The following OR4K1 variants were observed in gnomAD, a reference collection of about 807,000 sequenced individuals.
OR4K1 encodes olfactory receptor family 4 subfamily K member 1.
Under a neutral mutation model 14.4 loss-of-function variants are expected in OR4K1, and 16 were observed. The ratio of observed to expected loss-of-function variants is 1.11; its 90% CI spans 0.75 to 1.68. OR4K1 has a LOEUF of 1.68. Among genes scored for constraint, OR4K1 ranks in the 40% most tolerant of loss-of-function variants. The pLI is 0.00. For missense variants in OR4K1, 548 were observed against 376.9 expected (o/e 1.45, Z -3.76); for synonymous variants, 181 against 133.1 (o/e 1.36, Z -2.48).
At position 19,936,115 on chromosome 14, in the gene OR4K1, C is replaced by A. The variant is rs368279248; in HGVS notation, c.449C>A (p.Ala150Glu). The A allele has an allele frequency of 6.8e-6, 11 of 1,614,170 alleles. No individual in the cohort carries two copies. The highest frequency in any genetic ancestry group is 9.3e-6 in the Non-Finnish European group (11 of 1,180,008). Residue 150 changes from alanine (A) to glutamate (E), a missense_variant, in exon 2 of 2, where the codon GCG becomes GAG. Coordinates refer to ENST00000641172, the MANE Select transcript of OR4K1 (RefSeq NM_001004063.3). ...GTAATTTTTGTGTCTATTTCCTGGG[C>A]GGTGGGCGTTCTTCATTCTGTGAGC... is the stretch of plus-strand genomic sequence containing the variant. ...LCVIFVSISW[A>E]VGVLHSVSHL...
rs2792146 is a variant in OR4K1, at chr14:19,936,577, G to C, written c.911G>C (p.Arg304Pro). ...VKAAMWKLRN[R>P]HVNSWKN The stretch of plus-strand genomic sequence containing the variant: ...GCAGCCATGTGGAAGCTGAGAAACC[G>C]TCATGTGAACTCCTGGAAAAACTAG... Residue 304 changes from arginine to proline, a missense_variant, in exon 2 of 2, where the codon CGT becomes CCT. Transcript: ENST00000641172. 5 of 1,598,830 alleles carry C rather than the reference G, an allele frequency of 3.1e-6. No homozygotes were observed. In the East Asian group the frequency reaches 1.1e-4, roughly 36 times the overall value.
upstream of OR4K1, among the ~76,000 whole-genome samples, chr14:19,926,361 C>A (rs992997405): frequency 5.3e-5 from 8 of 152,204 alleles, no homozygotes; most frequent in African/African-American, 1.7e-4. Context: ...CCTGAGGGAA[C>A]TTAATGGTCA....
chr14:19,925,355 A>T, the OR4K1 span, among the ~76,000 whole-genome samples: 1 of 152,194 alleles, frequency 6.6e-6, no homozygotes, highest in Non-Finnish European at 1.5e-5. Context: ...CTCTCAGAAT[A>T]AAGAAAAGAA....
upstream of OR4K1, among the ~76,000 whole-genome samples, chr14:19,929,144 C>T (rs1033377997): frequency 1.3e-5 from 2 of 151,162 alleles, no homozygotes; most frequent in Non-Finnish European, 3.0e-5. Flanking sequence ...ATTTATTTTG[C>T]TTTTATAACT....
In OR4K1 at chr14:19,936,515, C is replaced by A. The variant is rs757787366; in HGVS notation, c.849C>A (p.Asn283Lys). 5.6e-6 allele frequency: 9 copies of A among 1,613,760 alleles called. No homozygotes were observed. In the South Asian group the frequency reaches 9.9e-5, roughly 18 times the overall value. ...VFYTVCTPLL[N>K]PIIYSLRNED... ...ACACTGTTTGTACTCCCTTGTTGAA[C>A]CCCATCATCTACTCTCTGAGGAATG... The change falls in exon 2 of 2, where the codon AAC becomes AAA. Residue 283 changes from asparagine (N) to lysine (K), a missense_variant. Asn to Lys is a moderately conservative substitution (Grantham distance 94). Coordinates refer to ENST00000641172, the MANE Select transcript of OR4K1 (RefSeq NM_001004063.3).
chr14:19,923,130 T>C, the OR4K1 span, among the ~76,000 whole-genome samples: 1 of 152,256 alleles, frequency 6.6e-6, no homozygotes, highest in African/African-American at 2.4e-5. Flanking sequence ...TATTTGTAAA[T>C]ATGTAGAAAT....
upstream of OR4K1, among the ~76,000 whole-genome samples, chr14:19,929,251 A>G (rs1882129948): frequency 1.3e-5 from 2 of 149,032 alleles, no homozygotes; most frequent in South Asian, 4.2e-4. Flanking sequence ...TAGTTTATAC[A>G]TATATATTTG....
chr14:19,928,473 T>C (rs1219631259), upstream of OR4K1, among the ~76,000 whole-genome samples: 1 of 152,198 alleles, frequency 6.6e-6, no homozygotes, highest in African/African-American at 2.4e-5. Context: ...CTAATTCATG[T>C]CTTGTCTTTG....
Position 19,935,931 on chromosome 14 carries a change from C to A in OR4K1, c.265C>A (p.Arg89Ser). The A allele has an allele frequency of 1.9e-6, 3 of 1,614,180 alleles. No individual in the cohort carries two copies. Among genetic ancestry groups the A allele is most frequent in the Non-Finnish European group, 2.5e-6 (3 of 1,180,028 alleles). The change falls in exon 2 of 2, where the codon CGC (arginine) becomes AGC (serine). Residue 89 changes from arginine (R) to serine (S), a missense_variant. Coordinates refer to ENST00000641172, the MANE Select transcript of OR4K1 (RefSeq NM_001004063.3). ...GATGCTTGTAGACTTTTTTATTGAGCGCAAGACTATCTCCTTTGAGGGTTG... is the reference window on the plus strand; with the variant it reads ...GATGCTTGTAGACTTTTTTATTGAGAGCAAGACTATCTCCTTTGAGGGTTG... Reference protein sequence around the residue: ...PKMLVDFFIERKTISFEGCMA... With the variant: ...PKMLVDFFIESKTISFEGCMA...
rs769170668 is a variant in OR4K1 at position 19,935,623 on chromosome 14, C to T, written c.-19-25C>T. ...GGTATTGTAATGCCAATCATTGTGACATTTTTCTGATTTCTTTTTTTTAGG... is the reference window on the plus strand; with the variant it reads ...GGTATTGTAATGCCAATCATTGTGATATTTTTCTGATTTCTTTTTTTTAGG... On this transcript the variant is annotated intron_variant, in intron 1 of 1. Transcript: ENST00000641172. 5 of 1,474,176 alleles carry T rather than the reference C, an allele frequency of 3.4e-6. No individual in the cohort carries two copies. The Admixed American group carries it at 8.8e-5, about 26-fold the overall frequency. 91.3% of individuals were successfully genotyped at this position (1,474,176 alleles called of 1,614,324 possible).
At chr14:19,923,239 C>G in the OR4K1 span, among the ~76,000 whole-genome samples, 11 of 152,320 alleles carry the variant, frequency 7.2e-5, no homozygotes, top group African/African-American at 2.6e-4. Flanking sequence ...GGATTTGTTA[C>G]TAGACTCTAT....
chr14:19,935,690 G>C lies in OR4K1; in HGVS notation c.24G>C (p.Met8Ile). ...ACATGGCTCACACAAATGAATCGAT[G>C]GTGTCTGAGTTTGTACTTTTGGGAC... MAHTNESMVSEFVLLGLS... is the reference protein window; with the variant it reads MAHTNESIVSEFVLLGLS... The change falls in exon 2 of 2, where the codon ATG becomes ATC. Residue 8 changes from methionine to isoleucine, a missense_variant. Transcript: ENST00000641172. The C allele has an allele frequency of 1.2e-6, 2 of 1,603,426 alleles. No individual in the cohort carries two copies. Among genetic ancestry groups the C allele is most frequent in the Non-Finnish European group, 1.7e-6 (2 of 1,176,776 alleles).
In OR4K1 at chr14:19,936,184, A is replaced by T; in HGVS notation, c.518A>T (p.Glu173Val). Residue 173 changes from glutamate (E) to valine (V), a missense_variant, in exon 2 of 2, where the codon GAG (glutamate) becomes GTG (valine). Physicochemically the swap from Glu to Val is moderately radical, Grantham distance 121 (BLOSUM62 -2). Transcript: ENST00000641172. ...TVDLPFCGPN[E>V]VDSFFCDLPL... ...GACCTGCCATTCTGTGGTCCCAATG[A>T]GGTGGATAGCTTCTTTTGTGACCTT... 6.2e-7 allele frequency: 1 copy of T among 1,614,246 alleles called. No homozygotes were observed. Among genetic ancestry groups the T allele is most frequent in the Non-Finnish European group, 8.5e-7 (1 of 1,180,048 alleles).
At chr14:19,934,102 G>T (rs1372544497) in intron 1 of OR4K1, among the ~76,000 whole-genome samples, 1 of 152,172 alleles carries the variant, frequency 6.6e-6, no homozygotes, top group Non-Finnish European at 1.5e-5. Context: ...AAATAACCTG[G>T]TTCTAACAAA....
chr14:19,923,246 C>T, the OR4K1 span, among the ~76,000 whole-genome samples: 1 of 152,202 alleles, frequency 6.6e-6, no homozygotes, highest in Non-Finnish European at 1.5e-5. Flanking sequence ...TTACTAGACT[C>T]TATTCTGTTT....
chr14:19,929,405 G>GCA (rs1491408157), upstream of OR4K1, among the ~76,000 whole-genome samples: 1 of 131,578 alleles, frequency 7.6e-6, no homozygotes, highest in East Asian at 2.2e-4. Context: ...GTGTGTGTGT[G>GCA]CGTATGGGGG....
At chr14:19,929,091 G>A (rs1216661685), upstream of OR4K1, among the ~76,000 whole-genome samples, 1 of 151,594 alleles carries the variant, frequency 6.6e-6, no homozygotes, top group African/African-American at 2.4e-5. Flanking sequence ...ATCTTCACGT[G>A]CTTTTTTCTA....
the OR4K1 span, among the ~76,000 whole-genome samples, chr14:19,923,456 G>T: frequency 2.0e-5 from 3 of 152,202 alleles, no homozygotes; most frequent in East Asian, 5.8e-4. Context: ...TCAGGATTTT[G>T]TTGTAATTGC....
At position 19,936,116 on chromosome 14, in the gene OR4K1, G is replaced by T. The variant is rs375912950; in HGVS notation, c.450G>T (p.Ala150=). Residue 150 remains alanine, a synonymous_variant, in exon 2 of 2, where the codon GCG becomes GCT. Coordinates refer to ENST00000641172, the MANE Select transcript of OR4K1 (RefSeq NM_001004063.3). ...TAATTTTTGTGTCTATTTCCTGGGC[G>T]GTGGGCGTTCTTCATTCTGTGAGCC... is the stretch of plus-strand genomic sequence containing the variant. The part of the protein sequence containing the change: ...LCVIFVSISW[A]VGVLHSVSHL... 20 of 1,614,188 alleles carry T rather than the reference G, an allele frequency of 1.2e-5. No individual in the cohort carries two copies. Among genetic ancestry groups the T allele is most frequent in the Non-Finnish European group, 1.7e-5 (20 of 1,180,024 alleles).
Sources: allele counts gnomAD v4.1 joint callset (sites outside exome capture counted in the v4.1 genomes callset), GRCh38; gene constraint gnomAD v4.1.1; transcripts MANE v1.5; gene names NCBI Gene and HGNC (gene_info 2026-07-23, HGNC 2026-07-21).